Variants in BABAM2 observed in about 807,000 individuals in gnomAD.
The protein encoded by BABAM2 is BRISC and BRCA1-A complex member 2.
BABAM2 carries 31 observed loss-of-function variants against 54.7 expected under a neutral mutation model. The observed-to-expected ratio is 0.57, with a 90% CI of 0.43 to 0.77. BABAM2 has a LOEUF of 0.77. Among genes scored for constraint, BABAM2 ranks in the 30% least tolerant of loss-of-function variants. The pLI is 0.00. For missense variants in BABAM2, 364 were observed against 455.8 expected (o/e 0.80, Z 1.83); for synonymous variants, 167 against 162.9 (o/e 1.03, Z -0.19).
At chr2:28,056,879 T>C (rs1409342583) in intron 6 of BABAM2, among the ~76,000 whole-genome samples, 1 of 152,236 alleles carries the variant, frequency 6.6e-6, no homozygotes, top group East Asian at 1.9e-4. Context: ...TTTACTGAAA[T>C]TACTTTGGTT....
At chr2:28,262,975 G>GA (rs199914971) in intron 10 of BABAM2, among the ~76,000 whole-genome samples, 1 of 152,120 alleles carries the variant, frequency 6.6e-6, no homozygotes, top group East Asian at 1.9e-4. Flanking sequence ...AGGATGTACT[G>GA]AAAGAGGCTT....
At chr2:28,193,608 A>G (rs1487322708) in intron 7 of BABAM2, among the ~76,000 whole-genome samples, 1 of 152,216 alleles carries the variant, frequency 6.6e-6, no homozygotes, top group Admixed American at 6.5e-5. Context: ...CCTGCTCTGG[A>G]TCCCAAAATG....
chr2:27,943,972 G>A (rs909734868), intron 3 of BABAM2, among the ~76,000 whole-genome samples: 9 of 151,940 alleles, frequency 5.9e-5, no homozygotes, highest in South Asian at 2.1e-4. Flanking sequence ...GAATTCATGG[G>A]TTAGAAGAAA....
intron 11 of BABAM2, chr2:28,327,298 C>G: frequency 1.9e-6 from 3 of 1,610,622 alleles, no homozygotes; most frequent in Non-Finnish European, 8.5e-7. Flanking sequence ...GCAGAGATGC[C>G]TGCAGCCCGT....
chr2:28,254,388 C>G (rs1283399957), intron 10 of BABAM2, among the ~76,000 whole-genome samples: 2 of 152,116 alleles, frequency 1.3e-5, no homozygotes, highest in Non-Finnish European at 2.9e-5. Flanking sequence ...CCTCCCGCCT[C>G]GATCTCCCAA....
At chr2:27,947,121 A>G (rs183438016) in intron 3 of BABAM2, among the ~76,000 whole-genome samples, 135 of 151,954 alleles carry the variant, frequency 8.9e-4, no homozygotes, top group Non-Finnish European at 1.8e-3. Context: ...GAAAATGTCT[A>G]CCTTTTAAAT....
At chr2:27,999,037 A>G (rs1673382291) in intron 4 of BABAM2, among the ~76,000 whole-genome samples, 1 of 152,162 alleles carries the variant, frequency 6.6e-6, no homozygotes, top group Non-Finnish European at 1.5e-5. Context: ...ACACCTTTGT[A>G]GCATTGTATT....
At chr2:28,179,852 A>G (rs1675426964) in intron 7 of BABAM2, among the ~76,000 whole-genome samples, 1 of 152,144 alleles carries the variant, frequency 6.6e-6, no homozygotes, top group Admixed American at 6.5e-5. Context: ...GAGGAAAAGA[A>G]TAAGACAATC....
At chr2:28,320,356 G>A (rs895995281) in intron 11 of BABAM2, among the ~76,000 whole-genome samples, 4 of 152,206 alleles carry the variant, frequency 2.6e-5, no homozygotes, top group African/African-American at 4.8e-5. Flanking sequence ...AGAGTCCTGC[G>A]CCCATCGCTT....
chr2:28,138,621 G>A (rs1670749034), intron 7 of BABAM2, among the ~76,000 whole-genome samples: 1 of 152,012 alleles, frequency 6.6e-6, no homozygotes, highest in Non-Finnish European at 1.5e-5. Context: ...AATATTTAAA[G>A]TGTGAATTAT....
intron 10 of BABAM2, among the ~76,000 whole-genome samples, chr2:28,252,135 G>A (rs1395346371): frequency 1.3e-5 from 2 of 150,952 alleles, no homozygotes; most frequent in East Asian, 1.9e-4. Context: ...GCAGTGAGCC[G>A]AGAACGTGCC....
In BABAM2 at chr2:28,327,127, C is replaced by T. The variant is rs1690533765; in HGVS notation, c.1089-11323C>T. The T allele has an allele frequency of 1.7e-5, 13 of 758,712 alleles. No individual in the cohort carries two copies. The South Asian group carries it at 2.0e-4, about 11-fold the overall frequency. The allele number at this position is 758,712 out of a possible 1,614,324, so 47.0% of individuals were successfully genotyped here. Reference sequence around the variant, plus strand: ...AGAGAATGGTTGGTATGTGTAGATGCGTGCATACATCTGTGATGAACGCCA... The same window carrying T: ...AGAGAATGGTTGGTATGTGTAGATGTGTGCATACATCTGTGATGAACGCCA... On this transcript the variant is annotated intron_variant, in intron 11 of 11. Coordinates refer to ENST00000379624, the MANE Select transcript of BABAM2 (RefSeq NM_199191.3).
chr2:28,117,262 A>G (rs1322373077), intron 6 of BABAM2, among the ~76,000 whole-genome samples: 1 of 152,222 alleles, frequency 6.6e-6, no homozygotes, highest in Non-Finnish European at 1.5e-5. Context: ...AAGGCCCAGC[A>G]TTCCACACTG....
At chr2:28,224,212 G>A (rs1338117787) in intron 7 of BABAM2, among the ~76,000 whole-genome samples, 1 of 152,212 alleles carries the variant, frequency 6.6e-6, no homozygotes, top group Non-Finnish European at 1.5e-5. Context: ...TTTCATTGAT[G>A]ATGAATATTA....
chr2:28,317,031 T>C (rs912447013), intron 11 of BABAM2, among the ~76,000 whole-genome samples: 1 of 152,130 alleles, frequency 6.6e-6, no homozygotes, highest in Admixed American at 6.5e-5. Context: ...GATTACCTGA[T>C]GAGTATCCCC....
At chr2:28,265,265 G>T (rs1684881422) in intron 10 of BABAM2, among the ~76,000 whole-genome samples, 2 of 152,016 alleles carry the variant, frequency 1.3e-5, no homozygotes, top group Non-Finnish European at 2.9e-5. Context: ...GCAAAACCCC[G>T]TCTCTACAAA....
chr2:27,929,982 C>A, intron 3 of BABAM2, 74 bp downstream of exon 3: 1 of 1,381,910 alleles, frequency 7.2e-7, no homozygotes, highest in South Asian at 1.2e-5. Flanking sequence ...CTTTAGTTTT[C>A]ATTTCCGGCT....
At chr2:28,016,328 TTTTTC>T in intron 4 of BABAM2, 1 of 1,144,518 alleles carries the variant, frequency 8.7e-7, no homozygotes, top group South Asian at 1.2e-5. Flanking sequence ...GGAGCCTTTC[TTTTTC>T]TTTTCTAGTT....
At chr2:28,168,555 C>T (rs549598745) in intron 7 of BABAM2, among the ~76,000 whole-genome samples, 4 of 152,164 alleles carry the variant, frequency 2.6e-5, no homozygotes, top group East Asian at 3.9e-4. Flanking sequence ...GTTTGAAAGG[C>T]GAGGGGCATA....
Sources: gnomAD v4.1 joint callset for allele counts (sites outside exome capture counted in the v4.1 genomes callset) on GRCh38, gnomAD v4.1.1 for gene constraint, MANE v1.5 for transcripts, NCBI Gene and HGNC (gene_info 2026-07-23, HGNC 2026-07-21) for gene names.